Variants in AKAP9 observed in about 807,000 individuals in gnomAD.
AKAP9 encodes A-kinase anchoring protein 9, also known as A-kinase anchor protein 9.
Under a neutral mutation model 488.5 loss-of-function variants are expected in AKAP9, and 311 were observed. That is an observed-to-expected ratio of 0.64 (90% CI 0.58 to 0.70). The LOEUF is 0.70. Among genes scored for constraint, AKAP9 ranks in the 30% least tolerant of loss-of-function variants. AKAP9 has a pLI of 0.00. For missense variants in AKAP9, 4,215 were observed against 4,374.5 expected (o/e 0.96, Z 1.03); for synonymous variants, 1,462 against 1,483.5 (o/e 0.99, Z 0.33).
In AKAP9 at chr7:92,025,817, G is replaced by A. The variant is rs73226332; in HGVS notation, c.4148+2808G>A. On this transcript the variant is annotated intron_variant, in intron 14 of 49. Coordinates refer to ENST00000356239, the MANE Select transcript of AKAP9 (RefSeq NM_005751.5). ...GAGAAGAGCCTTAGCTAGATACCCTGGAGGTAGAATTAGATGTTTATGTAA... is the reference window on the plus strand; with the variant it reads ...GAGAAGAGCCTTAGCTAGATACCCTAGAGGTAGAATTAGATGTTTATGTAA... 9.5e-3 allele frequency among the ~76,000 whole-genome samples: 1,448 copies of A among 152,302 alleles called. 17 individuals carry two copies. Among genetic ancestry groups the A allele is most frequent in the Middle Eastern group, 0.027 (8 of 294 alleles).
intron 1 of AKAP9, among the ~76,000 whole-genome samples, chr7:91,961,124 C>G (rs766260100): frequency 6.6e-6 from 1 of 152,028 alleles, no homozygotes; most frequent in South Asian, 2.1e-4. Flanking sequence ...TGAAGAGATT[C>G]CAAATAGTTG....
At chr7:92,088,354 A>G (rs1814963689) in intron 37 of AKAP9, among the ~76,000 whole-genome samples, 1 of 152,186 alleles carries the variant, frequency 6.6e-6, no homozygotes, top group African/African-American at 2.4e-5. Context: ...AAAAATAGTG[A>G]CAGCAAGTAC....
Position 92,014,323 on chromosome 7 carries a change from T to C in AKAP9, c.3607T>C (p.Leu1203=). ...AGTGTCTGAAGAATGTTCTTATTTT[T>C]TACAGGTAAAATGTTTAAAAGTACT... ...KAVSEECSYF[L]QTLCSVLGEY... Residue 1203 remains leucine (L), a synonymous_variant, in exon 10 of 50, where the codon TTA becomes CTA. Transcript: ENST00000356239. The C allele has an allele frequency of 6.2e-7, 1 of 1,608,738 alleles. No homozygotes were observed. Among genetic ancestry groups the C allele is most frequent in the Non-Finnish European group, 8.5e-7 (1 of 1,175,718 alleles).
At chr7:91,974,077 G>C in intron 2 of AKAP9, 109 bp downstream of exon 2, 1 of 1,324,104 alleles carries the variant, frequency 7.6e-7, no homozygotes. Flanking sequence ...ATGTCCTCTT[G>C]AAAGTTTTAG....
chr7:92,102,733 A>G lies in AKAP9; in HGVS notation c.11237A>G (p.Gln3746Arg). Residue 3746 changes from glutamine to arginine, a missense_variant, in exon 46 of 50, where the codon CAG becomes CGG. Gln to Arg is a conservative substitution (Grantham distance 43). Coordinates refer to ENST00000356239, the MANE Select transcript of AKAP9 (RefSeq NM_005751.5). ...TLALLARMGG[Q>R]PAFTDLEVIT... is the part of the protein sequence containing the mutation. ...GCCCTGCTTGCCCGGATGGGGGGGC[A>G]GCCAGCTTTCACGGATCTAGAGGTG... is the stretch of plus-strand genomic sequence containing the variant. 6.2e-7 allele frequency: 1 copy of G among 1,614,224 alleles called. No individual in the cohort carries two copies. Among genetic ancestry groups the G allele is most frequent in the Non-Finnish European group, 8.5e-7 (1 of 1,180,032 alleles).
At chr7:92,085,347 C>T (rs560309882) in intron 35 of AKAP9, 148 bp from the exon 36 acceptor site, 1 of 769,896 alleles carries the variant, frequency 1.3e-6, no homozygotes, top group East Asian at 2.7e-5. Flanking sequence ...TGGCTTACCC[C>T]TCCACAGGAA....
Position 92,079,553 on chromosome 7 carries a change from CTTAAA to C in AKAP9, c.7422_7426del (p.Lys2475ProfsTer11). 6.2e-7 allele frequency: 1 copy of C among 1,613,734 alleles called. No individual in the cohort carries two copies. The highest frequency in any genetic ancestry group is 8.5e-7 in the Non-Finnish European group (1 of 1,179,976). On this transcript the variant is annotated frameshift_variant, in exon 31 of 50. Coordinates refer to ENST00000356239, the MANE Select transcript of AKAP9 (RefSeq NM_005751.5). LOFTEE classifies it high-confidence loss of function. ...AGAAGTAGTCCTTACAGAGGATGCT[CTTAAA>C]TCCCTAGAAAATCAGACATACTTCA...
intron 3 of AKAP9, among the ~76,000 whole-genome samples, chr7:91,990,786 CAT>C (rs770828237): frequency 1.3e-5 from 2 of 152,144 alleles, no homozygotes; most frequent in Non-Finnish European, 2.9e-5. Flanking sequence ...TGCTTTGTAT[CAT>C]ATTTGAAGAA....
Position 92,022,365 on chromosome 7 carries a change from C to G in AKAP9, c.3952+13C>G. On this transcript the variant is annotated intron_variant, in intron 13 of 49. Coordinates refer to ENST00000356239, the MANE Select transcript of AKAP9 (RefSeq NM_005751.5). ...TTGGAAGACATTGGTAAATTTTGAT[C>G]ATATACCACAATGTGGTGTTTTTAT... The G allele has an allele frequency of 6.6e-7, 1 of 1,523,072 alleles. No individual in the cohort carries two copies. The highest frequency in any genetic ancestry group is 9.1e-7 in the Non-Finnish European group (1 of 1,097,442). The allele number at this position is 1,523,072 out of a possible 1,614,324, so 94.3% of individuals were successfully genotyped here.
chr7:92,106,004 T>C (rs1487181988), intron 47 of AKAP9, among the ~76,000 whole-genome samples: 1 of 152,236 alleles, frequency 6.6e-6, no homozygotes, highest in Non-Finnish European at 1.5e-5. Flanking sequence ...GGTTGTGTGC[T>C]CCTTATGAGA....
At chr7:92,102,278 T>A (rs1817664187) in intron 45 of AKAP9, among the ~76,000 whole-genome samples, 1 of 150,896 alleles carries the variant, frequency 6.6e-6, no homozygotes, top group Non-Finnish European at 1.5e-5. Context: ...ATATTTGCAA[T>A]TAATATGATT....
In AKAP9 at chr7:92,070,142, A is replaced by C; in HGVS notation, c.6443A>C (p.Lys2148Thr). 2 of 1,614,080 alleles carry C rather than the reference A, an allele frequency of 1.2e-6. No individual in the cohort carries two copies. Among genetic ancestry groups the C allele is most frequent in the Non-Finnish European group, 1.7e-6 (2 of 1,179,960 alleles). Residue 2148 changes from lysine to threonine, a missense_variant, in exon 27 of 50, where the codon AAA (lysine) becomes ACA (threonine). Lys to Thr is a moderately conservative substitution (Grantham distance 78, BLOSUM62 -1). Around this residue, in one of 5 missense-constraint regions of AKAP9, gnomAD observed 2,361 missense variants for 2,430.0 expected, o/e 0.97. Transcript: ENST00000356239. ...DIQERNEEIEKLEFRVRELEQ... is the reference protein window; with the variant it reads ...DIQERNEEIETLEFRVRELEQ... ...CAAGAAAGGAATGAAGAAATAGAGA[A>C]ACTGGAGTTCAGAGTAAGAGAACTG...
Position 92,062,437 on chromosome 7 carries a change from G to C in AKAP9, c.5928G>C (p.Leu1976=), listed in dbSNP as rs142251048. 5.0e-6 allele frequency: 8 copies of C among 1,613,658 alleles called. No homozygotes were observed. The Admixed American group carries it at 8.3e-5, about 17-fold the overall frequency. The change falls in exon 24 of 50, where the codon CTG becomes CTC. Residue 1976 remains leucine, a synonymous_variant. Coordinates refer to ENST00000356239, the MANE Select transcript of AKAP9 (RefSeq NM_005751.5). The part of the protein sequence containing the change: ...QQQIQEEREL[L]SRQKEAMKAE... ...AGATCCAAGAAGAAAGAGAATTACT[G>C]TCCAGACAAAAGGAAGCTATGAAAG...
chr7:92,023,587 G>T (rs1802639470), intron 14 of AKAP9, among the ~76,000 whole-genome samples: 1 of 152,050 alleles, frequency 6.6e-6, no homozygotes, highest in Non-Finnish European at 1.5e-5. Flanking sequence ...TTAAAACCTT[G>T]CTGGTCTCTG....
chr7:92,052,799 A>G lies in AKAP9; in HGVS notation c.5442A>G (p.Val1814=). Residue 1814 remains valine (V), a synonymous_variant, in exon 22 of 50, where the codon GTA becomes GTG. Transcript: ENST00000356239. ...PRNDINMWSK[V]TEEGTELSQR... ...ATGACATTAACATGTGGTCAAAAGT[A>G]ACTGAGGAAGGAACAGAGCTGTCAC... The G allele has an allele frequency of 6.2e-7, 1 of 1,613,884 alleles. No individual in the cohort carries two copies. Among genetic ancestry groups the G allele is most frequent in the Non-Finnish European group, 8.5e-7 (1 of 1,179,842 alleles).
chr7:92,086,349 T>G lies in AKAP9; in HGVS notation c.9146T>G (p.Leu3049Arg). 6.2e-7 allele frequency: 1 copy of G among 1,614,036 alleles called. No homozygotes were observed. Among genetic ancestry groups the G allele is most frequent in the Non-Finnish European group, 8.5e-7 (1 of 1,179,964 alleles). The change falls in exon 37 of 50, where the codon CTG becomes CGG. Residue 3049 changes from leucine to arginine, a missense_variant. Leu to Arg is a moderately radical substitution (Grantham distance 102). This residue lies in a region of AKAP9 where 1,476 missense variants were observed against 1,477.4 expected (regional missense o/e 1.00). Transcript: ENST00000356239. ...SVLLAAFRTE[L>R]TALGTTDAVG... ...TTACTAGCAGCATTTCGGACGGAGCTGACAGCTCTAGGTACTACAGATGCA... is the reference window on the plus strand; with the variant it reads ...TTACTAGCAGCATTTCGGACGGAGCGGACAGCTCTAGGTACTACAGATGCA...
intron 1 of AKAP9, among the ~76,000 whole-genome samples, chr7:91,947,901 CA>C (rs1381270623): frequency 1.3e-5 from 2 of 152,152 alleles, no homozygotes; most frequent in African/African-American, 4.8e-5. Context: ...GTCTACTTCC[CA>C]AACATCTTTC....
intron 1 of AKAP9, among the ~76,000 whole-genome samples, chr7:91,948,302 A>G (rs1485497242): frequency 6.6e-6 from 1 of 152,146 alleles, no homozygotes; most frequent in Admixed American, 6.5e-5. Flanking sequence ...TAGTAGTAGA[A>G]CTGAGCAAGG....
intron 28 of AKAP9, among the ~76,000 whole-genome samples, chr7:92,074,553 A>G (rs953929704): frequency 6.6e-6 from 1 of 152,234 alleles, no homozygotes; most frequent in Non-Finnish European, 1.5e-5. Flanking sequence ...CTATAAAGAT[A>G]CATGCACACA....
Sources: allele counts gnomAD v4.1 joint callset (sites outside exome capture counted in the v4.1 genomes callset), GRCh38; gene constraint gnomAD v4.1.1; regional missense constraint gnomAD v4.1.1; transcripts MANE v1.5; gene names NCBI Gene and HGNC (gene_info 2026-07-23, HGNC 2026-07-21).